The following WWOX variants were observed in gnomAD, a reference collection of about 807,000 sequenced individuals.
WWOX encodes WW domain-containing oxidoreductase.
Under a neutral mutation model 46.2 loss-of-function variants are expected in WWOX, and 69 were observed. The ratio of observed to expected loss-of-function variants is 1.49; its 90% CI spans 1.23 to 1.82. The LOEUF is 1.82. WWOX is among the 40% of genes most tolerant of loss of function. The pLI is 0.00. For missense variants in WWOX, 919 were observed against 542.6 expected (o/e 1.69, Z -6.89); for synonymous variants, 359 against 202.6 (o/e 1.77, Z -6.56).
intron 5 of WWOX, among the ~76,000 whole-genome samples, chr16:78,290,658 C>T (rs1047547198): frequency 5.3e-5 from 8 of 150,836 alleles, no homozygotes; most frequent in East Asian, 2.0e-4. Context: ...TAGTCCATTC[C>T]GTTAAATGGA....
rs557464365 is a variant in WWOX, at chr16:79,051,310, G to A, written c.1057-160298G>A. The stretch of plus-strand genomic sequence containing the variant: ...CAGGAGACCCTACTAAAACCTAAGT[G>A]TGCAATGCTTTAAATCAGTAAGTTT... On this transcript the variant is annotated intron_variant, in intron 8 of 8. Transcript: ENST00000566780. Among the ~76,000 whole-genome samples, 14 of 152,254 alleles carry A rather than the reference G, an allele frequency of 9.2e-5. No individual in the cohort carries two copies. In the South Asian group the frequency reaches 2.9e-3, roughly 32 times the overall value.
At chr16:79,173,783 T>G (rs568514162) in intron 8 of WWOX, among the ~76,000 whole-genome samples, 2 of 152,210 alleles carry the variant, frequency 1.3e-5, no homozygotes, top group Non-Finnish European at 2.9e-5. Flanking sequence ...AAAAAATACT[T>G]ATGATAAAAG....
intron 5 of WWOX, among the ~76,000 whole-genome samples, chr16:78,323,527 T>A (rs1006706389): frequency 6.6e-6 from 1 of 152,172 alleles, no homozygotes; most frequent in Non-Finnish European, 1.5e-5. Context: ...CTATTTAAAC[T>A]AATAGGTTAC....
chr16:79,189,376 G>A (rs1597459419), intron 8 of WWOX, among the ~76,000 whole-genome samples: 1 of 150,818 alleles, frequency 6.6e-6, no homozygotes, highest in Non-Finnish European at 1.5e-5. Context: ...TCCTGTCTCA[G>A]CCTCCCGAGT....
At chr16:78,158,526 A>C (rs1395782925) in intron 4 of WWOX, among the ~76,000 whole-genome samples, 1 of 149,434 alleles carries the variant, frequency 6.7e-6, no homozygotes, top group Non-Finnish European at 1.5e-5. Context: ...ATATAGATTC[A>C]TATTTTTTAA....
chr16:78,154,704 A>C (rs769282469), intron 4 of WWOX, among the ~76,000 whole-genome samples: 79 of 152,020 alleles, frequency 5.2e-4, no homozygotes, highest in Non-Finnish European at 1.0e-3. Flanking sequence ...GCCAAGTGCT[A>C]CTGCGGGGTT....
intron 5 of WWOX, among the ~76,000 whole-genome samples, chr16:78,261,769 T>G (rs2079238852): frequency 4.2e-5 from 2 of 48,040 alleles, no homozygotes; most frequent in East Asian, 1.3e-3. Flanking sequence ...TCTATCTATC[T>G]ATGTATCTAT....
chr16:78,480,979 A>G (rs999353188), intron 8 of WWOX, among the ~76,000 whole-genome samples: 4 of 152,236 alleles, frequency 2.6e-5, no homozygotes, highest in African/African-American at 7.2e-5. Flanking sequence ...CAGGATTGGT[A>G]CTTCACCTAC....
At chr16:78,561,352 C>G (rs1035666292) in intron 8 of WWOX, among the ~76,000 whole-genome samples, 4 of 152,152 alleles carry the variant, frequency 2.6e-5, no homozygotes, top group Non-Finnish European at 5.9e-5. Context: ...CTTTGAATCT[C>G]TCTGACTTTC....
chr16:78,866,717 C>T (rs1333959545), intron 8 of WWOX, among the ~76,000 whole-genome samples: 2 of 152,202 alleles, frequency 1.3e-5, no homozygotes, highest in Non-Finnish European at 2.9e-5. Context: ...AAATCAAGGA[C>T]ATTGGCAATA....
intron 8 of WWOX, among the ~76,000 whole-genome samples, chr16:78,609,543 CT>C (rs947578683): frequency 7.0e-6 from 1 of 143,198 alleles, no homozygotes; most frequent in Admixed American, 6.9e-5. Flanking sequence ...TCTTTCTTTT[CT>C]TTTTTTTTCT....
chr16:78,736,581 T>G (rs1201644565), intron 8 of WWOX, among the ~76,000 whole-genome samples: 2 of 151,814 alleles, frequency 1.3e-5, no homozygotes, highest in African/African-American at 2.4e-5. Flanking sequence ...TTCTTTCTTG[T>G]TTTGTTTTGT....
chr16:78,254,502 G>GTTTTTTTTTTTTCTTTTTTTTTTTT (rs2038073181), intron 5 of WWOX, among the ~76,000 whole-genome samples: 1 of 91,648 alleles, frequency 1.1e-5, no homozygotes, highest in African/African-American at 5.2e-5. Context: ...TTTCTTTCTT[G>GTTTTTTTTTTTTCTTTTTTTTTTTT]TTTTTTTTTT....
chr16:78,229,800 A>G (rs952341586), intron 5 of WWOX, among the ~76,000 whole-genome samples: 7 of 152,086 alleles, frequency 4.6e-5, no homozygotes, highest in East Asian at 3.9e-4. Context: ...TCTGAATTCT[A>G]TTAGTTGATG....
intron 8 of WWOX, among the ~76,000 whole-genome samples, chr16:78,934,039 A>G (rs2045681736): frequency 6.6e-6 from 1 of 152,024 alleles, no homozygotes; most frequent in Non-Finnish European, 1.5e-5. Context: ...AAAAAATTTA[A>G]AGAAACTTAG....
chr16:78,162,474 T>TAA (rs1318570096), intron 4 of WWOX, among the ~76,000 whole-genome samples: 5 of 151,438 alleles, frequency 3.3e-5, no homozygotes, highest in Admixed American at 6.6e-5. Flanking sequence ...CAGACATAAA[T>TAA]ATATATATAT....
chr16:78,803,296 G>T (rs113117661), intron 8 of WWOX, among the ~76,000 whole-genome samples: 340 of 151,518 alleles, frequency 2.2e-3, no homozygotes, highest in African/African-American at 7.9e-3. Context: ...TTATTGTAGT[G>T]GCTTCGCAGA....
At chr16:78,419,720 C>G (rs28798477) in intron 6 of WWOX, among the ~76,000 whole-genome samples, 13,169 of 142,844 alleles carry the variant, frequency 0.092, 1,647 homozygotes, top group African/African-American at 0.29. Context: ...GTATATTTTT[C>G]TGATTTTGGC....
intron 8 of WWOX, among the ~76,000 whole-genome samples, chr16:78,816,324 G>T (rs536852321): frequency 8.5e-4 from 130 of 152,168 alleles, no homozygotes; most frequent in African/African-American, 3.0e-3. Flanking sequence ...ATTTTTTCCT[G>T]ATATATCGAG....
Sources: allele counts gnomAD v4.1 joint callset (sites outside exome capture counted in the v4.1 genomes callset), GRCh38; gene constraint gnomAD v4.1.1; transcripts MANE v1.5; gene names NCBI Gene and HGNC (gene_info 2026-07-23, HGNC 2026-07-21).